The following EHBP1 variants were observed in gnomAD, a reference collection of about 807,000 sequenced individuals.
EHBP1 encodes the protein EH domain binding protein 1.
In EHBP1, 55 loss-of-function variants were observed where a neutral mutation model predicts 144.0. The observed-to-expected ratio is 0.38, with a 90% CI of 0.31 to 0.48. The LOEUF (loss-of-function observed/expected upper bound fraction) is 0.48. Ranked by LOEUF, EHBP1 falls within the 20% of genes least tolerant of loss-of-function variation. The pLI is 0.98. For missense variants in EHBP1, 1,200 were observed against 1,364.2 expected (o/e 0.88, Z 1.90); for synonymous variants, 469 against 472.7 (o/e 0.99, Z 0.10).
intron 14 of EHBP1, among the ~76,000 whole-genome samples, chr2:62,970,684 A>G (rs2058458942): frequency 6.6e-6 from 1 of 152,120 alleles, no homozygotes; most frequent in Admixed American, 6.6e-5. Flanking sequence ...CATGGCAGCC[A>G]TTTTTATTTG....
intron 14 of EHBP1, among the ~76,000 whole-genome samples, chr2:62,956,628 A>T (rs1553488020): frequency 6.7e-6 from 1 of 150,008 alleles, no homozygotes; most frequent in Non-Finnish European, 1.5e-5. Flanking sequence ...TGGGAGGATC[A>T]CTTGAGCCCA....
intron 5 of EHBP1, among the ~76,000 whole-genome samples, chr2:62,824,585 C>G (rs1294976655): frequency 6.6e-6 from 1 of 151,940 alleles, no homozygotes; most frequent in Non-Finnish European, 1.5e-5. Flanking sequence ...AGGATATTTG[C>G]ATATTCTTAA....
intron 5 of EHBP1, among the ~76,000 whole-genome samples, chr2:62,811,613 T>G (rs1189181050): frequency 2.0e-5 from 3 of 152,098 alleles, no homozygotes; most frequent in African/African-American, 7.2e-5. Flanking sequence ...TCAGAAAGAG[T>G]GAAGTCTTGA....
intron 1 of EHBP1, among the ~76,000 whole-genome samples, chr2:62,683,412 C>T (rs1288941624): frequency 6.6e-6 from 1 of 152,076 alleles, no homozygotes; most frequent in African/African-American, 2.4e-5. Context: ...GTAATCCCCG[C>T]ACTTTGGGAG....
intron 1 of EHBP1, among the ~76,000 whole-genome samples, chr2:62,699,070 C>A (rs2034195957): frequency 6.6e-6 from 1 of 152,154 alleles, no homozygotes; most frequent in Non-Finnish European, 1.5e-5. Context: ...TAGTCAATGC[C>A]CTCCAAGATT....
chr2:62,941,468 G>C (rs1574155957), intron 10 of EHBP1, among the ~76,000 whole-genome samples: 1 of 152,074 alleles, frequency 6.6e-6, no homozygotes, highest in African/African-American at 2.4e-5. Flanking sequence ...TAGATTTATG[G>C]TTGTTTACAT....
intron 14 of EHBP1, among the ~76,000 whole-genome samples, chr2:62,972,693 A>G (rs1397573429): frequency 6.6e-6 from 1 of 152,236 alleles, no homozygotes; most frequent in Non-Finnish European, 1.5e-5. Context: ...GGCCCAAGCA[A>G]AATTGTCTCT....
intron 2 of EHBP1, among the ~76,000 whole-genome samples, chr2:62,744,060 A>G (rs886304818): frequency 6.6e-6 from 1 of 152,136 alleles, no homozygotes; most frequent in Admixed American, 6.6e-5. Flanking sequence ...CCTTCCTTGA[A>G]CAAGCCAACC....
intron 2 of EHBP1, among the ~76,000 whole-genome samples, chr2:62,715,308 G>T (rs1362415983): frequency 6.6e-6 from 1 of 151,930 alleles, no homozygotes; most frequent in Non-Finnish European, 1.5e-5. Context: ...CAGGGATGGG[G>T]TTTCACCGTG....
At chr2:62,987,794 T>G in intron 15 of EHBP1, 1 of 487,300 alleles carries the variant, frequency 2.1e-6, no homozygotes, top group East Asian at 3.5e-5. Context: ...TTAAAACTGA[T>G]TTCTTAACTT....
At chr2:62,679,325 A>T (rs937136836) in intron 1 of EHBP1, among the ~76,000 whole-genome samples, 10 of 152,224 alleles carry the variant, frequency 6.6e-5, no homozygotes, top group Non-Finnish European at 1.2e-4. Flanking sequence ...ACAATACCAT[A>T]GCCTCTCCAG....
At chr2:62,731,019 A>G (rs574493528) in intron 2 of EHBP1, among the ~76,000 whole-genome samples, 3 of 151,082 alleles carry the variant, frequency 2.0e-5, no homozygotes, top group African/African-American at 7.3e-5. Context: ...GAAGAACTGC[A>G]TCTTGGTAAT....
intron 12 of EHBP1, among the ~76,000 whole-genome samples, chr2:62,945,362 A>C (rs1055370625): frequency 7.9e-5 from 12 of 152,312 alleles, no homozygotes; most frequent in African/African-American, 2.9e-4. Context: ...TCATGAGACA[A>C]AGTGGTTAAT....
At chr2:62,828,645 A>C (rs1393009086) in intron 6 of EHBP1, among the ~76,000 whole-genome samples, 1 of 152,192 alleles carries the variant, frequency 6.6e-6, no homozygotes, top group African/African-American at 2.4e-5. Context: ...GGGGTTTGCC[A>C]CTTTGTTTCC....
At chr2:62,740,891 G>A (rs981566277) in intron 2 of EHBP1, among the ~76,000 whole-genome samples, 1 of 152,144 alleles carries the variant, frequency 6.6e-6, no homozygotes, top group Non-Finnish European at 1.5e-5. Flanking sequence ...ACTTTGAAAT[G>A]TAAGCTTTTA....
chr2:62,961,167 A>G (rs1339466212), intron 14 of EHBP1, among the ~76,000 whole-genome samples: 1 of 152,236 alleles, frequency 6.6e-6, no homozygotes, highest in African/African-American at 2.4e-5. Flanking sequence ...CAGGAAAGAT[A>G]TAAGCTGTAA....
intron 6 of EHBP1, among the ~76,000 whole-genome samples, chr2:62,830,004 A>G (rs1008217585): frequency 7.9e-5 from 12 of 151,214 alleles, no homozygotes; most frequent in African/African-American, 2.9e-4. Flanking sequence ...CTACCCAGAA[A>G]AAAATAAGTT....
intron 15 of EHBP1, among the ~76,000 whole-genome samples, chr2:62,983,758 T>C (rs1400826662): frequency 6.6e-6 from 1 of 152,246 alleles, no homozygotes; most frequent in Non-Finnish European, 1.5e-5. Context: ...GCCAGGCTGG[T>C]CTGGAATTCC....
chr2:62,692,126 A>G (rs551409886), intron 1 of EHBP1, among the ~76,000 whole-genome samples: 6 of 152,344 alleles, frequency 3.9e-5, no homozygotes, highest in African/African-American at 1.4e-4. Flanking sequence ...AAAAGTAATC[A>G]TACAATATGT....
Sources: allele counts gnomAD v4.1 joint callset (sites outside exome capture counted in the v4.1 genomes callset), GRCh38; gene constraint gnomAD v4.1.1; transcripts MANE v1.5; gene names NCBI Gene and HGNC (gene_info 2026-07-23, HGNC 2026-07-21).